The following RWDD1 variants were observed in gnomAD, a reference collection of about 807,000 sequenced individuals.
RWDD1 encodes the protein RWD domain-containing protein 1.
RWDD1 carries 17 observed loss-of-function variants against 31.6 expected under a neutral mutation model. The ratio of observed to expected loss-of-function variants is 0.54; its 90% confidence interval spans 0.37 to 0.81. The LOEUF is 0.81. Among genes scored for constraint, RWDD1 ranks in the 30% least tolerant of loss-of-function variants. The pLI, the probability that RWDD1 is intolerant of heterozygous loss-of-function variation, is 0.00. For synonymous variants in RWDD1, 78 were observed against 94.2 expected, an observed-to-expected ratio of 0.83 and a Z score of 0.99; for missense variants, 204 against 274.5, an observed-to-expected ratio of 0.74 and a Z score of 1.82.
intron 2 of RWDD1, among the ~76,000 whole-genome samples, chr6:116,582,996 A>G (rs1229195920): frequency 6.7e-6 from 1 of 148,154 alleles, no homozygotes; most frequent in Non-Finnish European, 1.5e-5. Context: ...TATTTTTTAG[A>G]GACAAGGATC....
At chr6:116,578,878 G>C (rs577331524) in intron 1 of RWDD1, among the ~76,000 whole-genome samples, 99 of 131,770 alleles carry the variant, frequency 7.5e-4, no homozygotes, top group South Asian at 2.4e-3. Context: ...TTGGTTTTTG[G>C]GGTTTTCTTT....
intron 2 of RWDD1, among the ~76,000 whole-genome samples, chr6:116,584,356 C>T (rs762037169): frequency 9.9e-5 from 15 of 151,610 alleles, no homozygotes; most frequent in Non-Finnish European, 1.6e-4. Context: ...GGAACTGGCT[C>T]TGGTAGAGGC....
chr6:116,592,051 A>G (rs1409776799), intron 6 of RWDD1, among the ~76,000 whole-genome samples: 1 of 152,184 alleles, frequency 6.6e-6, no homozygotes, highest in Non-Finnish European at 1.5e-5. Context: ...TACCTATTCT[A>G]TAGTCACTCC....
At chr6:116,591,061 G>A in intron 6 of RWDD1, 111 bp downstream of exon 6, 1 of 1,378,324 alleles carries the variant, frequency 7.3e-7, no homozygotes, top group South Asian at 2.0e-5. Context: ...AGGAGTTTGA[G>A]ACCAGACTGG....
intron 1 of RWDD1, among the ~76,000 whole-genome samples, chr6:116,579,675 TCTTG>T (rs1376753030): frequency 1.3e-5 from 2 of 152,238 alleles, no homozygotes; most frequent in Non-Finnish European, 2.9e-5. Flanking sequence ...ATGTGTCTTG[TCTTG>T]CTTAGTAAAT....
intron 2 of RWDD1, among the ~76,000 whole-genome samples, chr6:116,584,180 T>G (rs1386003622): frequency 6.6e-6 from 1 of 152,184 alleles, no homozygotes; most frequent in East Asian, 1.9e-4. Context: ...TGACACAGAC[T>G]AAAAGAGTGA....
At chr6:116,577,976 G>A (rs1317780148) in intron 1 of RWDD1, among the ~76,000 whole-genome samples, 3 of 152,082 alleles carry the variant, frequency 2.0e-5, no homozygotes, top group African/African-American at 7.2e-5. Context: ...GGTGCCTCAA[G>A]TGCATTTCCC....
At chr6:116,574,673 TCTCTCTCTTC>T (rs1260137008) in intron 1 of RWDD1, among the ~76,000 whole-genome samples, 4 of 151,554 alleles carry the variant, frequency 2.6e-5, no homozygotes, top group Admixed American at 6.6e-5. Flanking sequence ...TCTTTCTCTC[TCTCTCTCTTC>T]CTTCCTTCCT....
At position 116,597,305 on chromosome 6, in the gene RWDD1, T is replaced by G. The variant is rs1178682364; in HGVS notation, c.*4204T>G. On this transcript the variant is annotated 3_prime_UTR_variant, in exon 7 of 7. Coordinates refer to ENST00000466444, the MANE Select transcript of RWDD1 (RefSeq NM_015952.4). Reference sequence around the variant, plus strand: ...CTTACATAATTAACATGATGAATTTTTAAATAATTGTTATATTTAGTTTTG... The same window carrying G: ...CTTACATAATTAACATGATGAATTTGTAAATAATTGTTATATTTAGTTTTG... 6.6e-6 allele frequency: 1 copy of G among 152,242 alleles called. No individual in the cohort carries two copies. The highest frequency in any genetic ancestry group is 1.9e-4 in the East Asian group (1 of 5,200). The allele number at this position is 152,242 out of a possible 1,614,324, so 9.4% of individuals were successfully genotyped here.
In RWDD1 at chr6:116,588,865, G is replaced by A. The variant is rs758027638; in HGVS notation, c.294G>A (p.Val98=). The A allele has an allele frequency of 2.4e-5, 37 of 1,543,202 alleles. No homozygotes were observed. The highest frequency in any genetic ancestry group is 3.1e-5 in the Non-Finnish European group (36 of 1,154,454). The change falls in exon 4 of 7, where the codon GTG becomes GTA. Residue 98 remains valine (V), a synonymous_variant. Coordinates refer to ENST00000466444, the MANE Select transcript of RWDD1 (RefSeq NM_015952.4). ...ALQAEENLGM[V]MIFTLVTAVQ... ...AGGCTGAAGAAAATCTTGGTATGGTGATGATTTTTACTCTAGTGACAGCTG... is the reference window on the plus strand; with the variant it reads ...AGGCTGAAGAAAATCTTGGTATGGTAATGATTTTTACTCTAGTGACAGCTG...
At chr6:116,582,302 A>G (rs1366211282) in intron 2 of RWDD1, among the ~76,000 whole-genome samples, 1 of 151,144 alleles carries the variant, frequency 6.6e-6, no homozygotes, top group Non-Finnish European at 1.5e-5. Context: ...ATGCATTTTA[A>G]TATACCTGCA....
chr6:116,576,755 G>A (rs1475061061), intron 1 of RWDD1, among the ~76,000 whole-genome samples: 1 of 152,188 alleles, frequency 6.6e-6, no homozygotes, highest in Admixed American at 6.5e-5. Flanking sequence ...AAGTAAATGA[G>A]ACTAGGGAAA....
At chr6:116,574,456 A>G (rs1774798742) in intron 1 of RWDD1, among the ~76,000 whole-genome samples, 1 of 152,204 alleles carries the variant, frequency 6.6e-6, no homozygotes, top group Non-Finnish European at 1.5e-5. Flanking sequence ...CTCCCTAACA[A>G]CCAGAGGTAC....
chr6:116,579,824 CAT>C lies in RWDD1; in HGVS notation c.74-469_74-468del, dbSNP rs1334005146. Among the ~76,000 whole-genome samples, 16 of 152,276 alleles carry C rather than the reference CAT, an allele frequency of 1.1e-4. No individual in the cohort carries two copies. The South Asian group carries it at 3.3e-3, about 32-fold the overall frequency. ...GTGGTAGAGAATGACAGCAAGAAGA[CAT>C]AAACTTTAACAAATCGGTATTTACT... On this transcript the variant is annotated intron_variant, in intron 1 of 6. Transcript: ENST00000466444.
intron 1 of RWDD1, among the ~76,000 whole-genome samples, chr6:116,579,848 T>C (rs1774917146): frequency 1.3e-5 from 2 of 152,322 alleles, no homozygotes; most frequent in Non-Finnish European, 2.9e-5. Context: ...AATCGGTATT[T>C]ACTGTTTGTC....
At chr6:116,575,212 A>G (rs750917673) in intron 1 of RWDD1, among the ~76,000 whole-genome samples, 7 of 151,814 alleles carry the variant, frequency 4.6e-5, no homozygotes, top group Admixed American at 1.3e-4. Flanking sequence ...TCACCTTCCC[A>G]AGTAGTTGGG....
At chr6:116,578,130 T>C (rs1399456089) in intron 1 of RWDD1, among the ~76,000 whole-genome samples, 2 of 152,256 alleles carry the variant, frequency 1.3e-5, no homozygotes, top group African/African-American at 4.8e-5. Flanking sequence ...TACTACCTGA[T>C]AACCTTGGAC....
At chr6:116,576,618 A>G (rs1774846948) in intron 1 of RWDD1, among the ~76,000 whole-genome samples, 1 of 152,040 alleles carries the variant, frequency 6.6e-6, no homozygotes, top group South Asian at 2.1e-4. Context: ...TGGTTTCCTC[A>G]TTTACCAAAT....
intron 2 of RWDD1, among the ~76,000 whole-genome samples, chr6:116,582,283 A>T (rs1355896050): frequency 2.0e-5 from 3 of 151,304 alleles, no homozygotes; most frequent in Non-Finnish European, 4.4e-5. Flanking sequence ...TAGTTATTTA[A>T]ATGGTTAAAT....
Sources: allele counts gnomAD v4.1 joint callset (sites outside exome capture counted in the v4.1 genomes callset), GRCh38; gene constraint gnomAD v4.1.1; transcripts MANE v1.5; gene names NCBI Gene and HGNC (gene_info 2026-07-23, HGNC 2026-07-21).